Variants in SEC24A observed in about 807,000 individuals in gnomAD.
The protein encoded by SEC24A is SEC24 homolog A, COPII component, also known as protein transport protein Sec24A.
Under a neutral mutation model 129.4 loss-of-function variants are expected in SEC24A, and 93 were observed. That is an observed-to-expected ratio of 0.72 (90% CI 0.61 to 0.85). SEC24A has a LOEUF of 0.85. Ranked by LOEUF, SEC24A falls within the 40% of genes least tolerant of loss-of-function variation. SEC24A has a pLI of 0.00. For synonymous variants in SEC24A, 460 were observed against 467.3 expected (o/e 0.98, Z 0.20); for missense variants, 1,264 against 1,307.4 (o/e 0.97, Z 0.51).
At chr5:134,669,349 A>G (rs902154499) in intron 3 of SEC24A, among the ~76,000 whole-genome samples, 38 of 150,630 alleles carry the variant, frequency 2.5e-4, no homozygotes, top group Non-Finnish European at 5.3e-4. Context: ...TATTTTTAGT[A>G]GAGATGGGGT....
chr5:134,668,435 A>G (rs1456732334), intron 3 of SEC24A, among the ~76,000 whole-genome samples: 1 of 151,934 alleles, frequency 6.6e-6, no homozygotes, highest in Admixed American at 6.6e-5. Flanking sequence ...CTAAAAATAC[A>G]GAAATTAAGG....
chr5:134,685,967 G>A (rs1489984725), intron 9 of SEC24A, among the ~76,000 whole-genome samples: 2 of 151,846 alleles, frequency 1.3e-5, no homozygotes, highest in Non-Finnish European at 2.9e-5. Context: ...CCAGCATGGG[G>A]GACACAGCGA....
intron 2 of SEC24A, 121 bp downstream of exon 2, chr5:134,661,707 T>A: frequency 1.2e-6 from 1 of 859,316 alleles, no homozygotes; most frequent in Non-Finnish European, 1.7e-6. Context: ...AAATTATTAG[T>A]AGTTTTTTGT....
chr5:134,683,955 T>C (rs1018599977), intron 9 of SEC24A, among the ~76,000 whole-genome samples: 2 of 152,164 alleles, frequency 1.3e-5, no homozygotes, highest in Non-Finnish European at 2.9e-5. Context: ...CATGCCATAA[T>C]TATCTCTTGG....
chr5:134,676,546 C>T (rs995382395), intron 7 of SEC24A, among the ~76,000 whole-genome samples: 1 of 148,600 alleles, frequency 6.7e-6, no homozygotes, highest in Non-Finnish European at 1.5e-5. Context: ...CAGGTTCGGG[C>T]AATTCTCTTG....
At chr5:134,709,154 T>C (rs866644666) in intron 18 of SEC24A, among the ~76,000 whole-genome samples, 1 of 152,096 alleles carries the variant, frequency 6.6e-6, no homozygotes, top group African/African-American at 2.4e-5. Context: ...GAGGTTGTAG[T>C]GAGCCCATAT....
At chr5:134,680,806 A>G (rs893962617) in intron 8 of SEC24A, among the ~76,000 whole-genome samples, 12 of 151,888 alleles carry the variant, frequency 7.9e-5, no homozygotes, top group Non-Finnish European at 4.4e-5. Flanking sequence ...GTTTTTAAAA[A>G]CCAGTTTTAT....
At chr5:134,680,891 G>A (rs1029997217) in intron 8 of SEC24A, among the ~76,000 whole-genome samples, 7 of 152,122 alleles carry the variant, frequency 4.6e-5, no homozygotes, top group African/African-American at 1.7e-4. Flanking sequence ...CTGAGGTCAG[G>A]AGTTCGAGAT....
intron 18 of SEC24A, among the ~76,000 whole-genome samples, chr5:134,712,031 G>A (rs1464891419): frequency 6.6e-6 from 1 of 151,902 alleles, no homozygotes; most frequent in Non-Finnish European, 1.5e-5. Flanking sequence ...ACAGGCGTGA[G>A]CCACCGCGCC....
intron 16 of SEC24A, among the ~76,000 whole-genome samples, chr5:134,704,564 G>C (rs1443959665): frequency 6.6e-6 from 1 of 152,124 alleles, no homozygotes; most frequent in African/African-American, 2.4e-5. Context: ...ACTTTGGAAG[G>C]CTGACTAGGG....
chr5:134,701,626 T>G (rs1752011330), intron 15 of SEC24A, among the ~76,000 whole-genome samples: 1 of 151,944 alleles, frequency 6.6e-6, no homozygotes, highest in Admixed American at 6.6e-5. Flanking sequence ...TTCTCCTGCC[T>G]CAGCCTTCCT....
intron 13 of SEC24A, among the ~76,000 whole-genome samples, chr5:134,695,410 G>C (rs986866017): frequency 2.6e-5 from 4 of 152,024 alleles, no homozygotes; most frequent in African/African-American, 9.7e-5. Flanking sequence ...CCAGTGCTTT[G>C]GGAGGCTGAG....
Position 134,718,870 on chromosome 5 carries a change from C to T in SEC24A, c.2970+697C>T, listed in dbSNP as rs150729470. 2.8e-3 allele frequency among the ~76,000 whole-genome samples: 426 copies of T among 150,320 alleles called. 3 individuals are homozygous for T. In the East Asian group the frequency reaches 0.043, roughly 15 times the overall value. ...CTGTAATCCTAACTACTTGGGAAGC[C>T]GAGGCAGGAGAATCGCTTGAACCCA... On this transcript the variant is annotated intron_variant, in intron 20 of 22. Transcript: ENST00000398844.
rs1454561634 is a variant in SEC24A, at chr5:134,725,064, G to C, written c.3252G>C (p.Leu1084=). 6.4e-7 allele frequency: 1 copy of C among 1,574,330 alleles called. No individual in the cohort carries two copies. The highest frequency in any genetic ancestry group is 1.4e-5 in the African/African-American group (1 of 73,982). Residue 1084 remains leucine (L), a synonymous_variant, in exon 23 of 23, where the codon CTG becomes CTC. Coordinates refer to ENST00000398844, the MANE Select transcript of SEC24A (RefSeq NM_021982.3). ...TESALSYYEF[L]LHIQQQVNK ...CTGCATTATCATATTATGAATTCCT[G>C]TTGCATATACAGCAACAAGTGAATA...
intron 5 of SEC24A, 75 bp from the exon 6 acceptor site, chr5:134,674,970 G>C: frequency 7.7e-7 from 1 of 1,305,022 alleles, no homozygotes; most frequent in Non-Finnish European, 1.0e-6. Context: ...TTACACTTTT[G>C]TTATTTACAG....
At chr5:134,670,548 T>C (rs931079082) in intron 3 of SEC24A, among the ~76,000 whole-genome samples, 8 of 152,208 alleles carry the variant, frequency 5.3e-5, no homozygotes, top group Non-Finnish European at 1.2e-4. Flanking sequence ...GTCCCTGGCA[T>C]TTGTCTTTAA....
rs572157142 is a variant in SEC24A at position 134,659,421 on chromosome 5, A to T, written c.98-1698A>T. Among the ~76,000 whole-genome samples the T allele has an allele frequency of 3.2e-4, 49 of 152,220 alleles. 1 individual carries two copies. Among genetic ancestry groups the T allele is most frequent in the East Asian group, 3.1e-3 (16 of 5,184 alleles). On this transcript the variant is annotated intron_variant, in intron 1 of 22. Coordinates refer to ENST00000398844, the MANE Select transcript of SEC24A (RefSeq NM_021982.3). ...CTACTTAGTAATGACTTCAGAATTT[A>T]AAAAAATTATCCATTTAGTGAAGGT...
At position 134,661,119 on chromosome 5, in the gene SEC24A, G is replaced by T. The variant is rs772804227; in HGVS notation, c.98G>T (p.Gly33Val). 1 of 1,591,306 alleles carries T rather than the reference G, an allele frequency of 6.3e-7. No individual in the cohort carries two copies. The highest frequency in any genetic ancestry group is 8.6e-7 in the Non-Finnish European group (1 of 1,168,334). Residue 33 changes from glycine (G) to valine (V), a missense_variant and splice_region_variant, in exon 2 of 23, where the codon GGT (glycine) becomes GTT (valine). Transcript: ENST00000398844. Reference sequence around the variant, plus strand: ...TAATTTTTCCTCCTTTTATTGGAAGGTCCTGTCCAAAATGCATTGCTGTCT... The same window carrying T: ...TAATTTTTCCTCCTTTTATTGGAAGTTCCTGTCCAAAATGCATTGCTGTCT... ...ALASGSPYTN[G>V]PVQNALLSSQ...
chr5:134,689,973 A>T (rs1388949236), intron 11 of SEC24A, among the ~76,000 whole-genome samples: 1 of 150,422 alleles, frequency 6.6e-6, no homozygotes, highest in Admixed American at 6.6e-5. Context: ...AATAGAGGTT[A>T]CCAGGGGCTG....
Sources: gnomAD v4.1 joint callset for allele counts (sites outside exome capture counted in the v4.1 genomes callset) on GRCh38, gnomAD v4.1.1 for gene constraint, MANE v1.5 for transcripts, NCBI Gene and HGNC (gene_info 2026-07-23, HGNC 2026-07-21) for gene names.